Variants in IGDCC3 observed in about 807,000 individuals in gnomAD.
The protein encoded by IGDCC3 is immunoglobulin superfamily DCC subclass member 3.
In IGDCC3, 47 loss-of-function variants were observed where a neutral mutation model predicts 72.0. The observed-to-expected ratio is 0.65, with a 90% CI of 0.52 to 0.83. The LOEUF (loss-of-function observed/expected upper bound fraction) is 0.83, where lower values mean the gene tolerates loss of function less well. IGDCC3 is among the 40% of genes least tolerant of loss of function. IGDCC3 has a pLI of 0.00. For synonymous variants in IGDCC3, 477 were observed against 472.8 expected (o/e 1.01, Z -0.11); for missense variants, 1,038 against 1,091.3 (o/e 0.95, Z 0.69).
intron 2 of IGDCC3, among the ~76,000 whole-genome samples, chr15:65,367,625 C>T (rs1289543658): frequency 4.6e-5 from 7 of 152,122 alleles, no homozygotes; most frequent in East Asian, 1.9e-4. Flanking sequence ...AGGCCTCCCG[C>T]CACCCGCTGG....
intron 1 of IGDCC3, among the ~76,000 whole-genome samples, chr15:65,375,788 G>A (rs1427778359): frequency 6.6e-6 from 1 of 152,170 alleles, no homozygotes; most frequent in Non-Finnish European, 1.5e-5. Context: ...CCCTGGATAA[G>A]CACTGAAGCC....
At chr15:65,348,262 AC>A (rs2091143047) in intron 2 of IGDCC3, among the ~76,000 whole-genome samples, 1 of 152,166 alleles carries the variant, frequency 6.6e-6, no homozygotes, top group South Asian at 2.1e-4. Flanking sequence ...TTATTCCTTT[AC>A]TTTTTTAATA....
chr15:65,335,336 T>C lies in IGDCC3; in HGVS notation c.640A>G (p.Ile214Val), dbSNP rs1405323997. Residue 214 changes from isoleucine (I) to valine (V), a missense_variant, in exon 4 of 14, where the codon ATC becomes GTC. Physicochemically the swap from Ile to Val is conservative, Grantham distance 29. Coordinates refer to ENST00000327987, the MANE Select transcript of IGDCC3 (RefSeq NM_004884.4). ...CCGTGGCTGATCCGGATACTGGCGATGTTTGAGGCCACACAGTGGAAGATG... is the reference window on the plus strand; with the variant it reads ...CCGTGGCTGATCCGGATACTGGCGACGTTTGAGGCCACACAGTGGAAGATG... Reference protein sequence around the residue: ...GGIFHCVASNIASIRISHGAR... With the variant: ...GGIFHCVASNVASIRISHGAR... 16 of 1,613,634 alleles carry C rather than the reference T, an allele frequency of 9.9e-6. No individual in the cohort carries two copies. The highest frequency in any genetic ancestry group is 1.6e-4 in the Middle Eastern group (1 of 6,082).
intron 2 of IGDCC3, chr15:65,355,656 T>TTTCCCCC: frequency 9.4e-6 from 2 of 211,730 alleles, no homozygotes; most frequent in Admixed American, 6.3e-5. Context: ...GACGCGGGCG[T>TTTCCCCC]CCCGCCCCCC....
At chr15:65,356,899 C>T (rs1308718340) in intron 2 of IGDCC3, among the ~76,000 whole-genome samples, 2 of 125,824 alleles carry the variant, frequency 1.6e-5, no homozygotes, top group African/African-American at 6.5e-5. Flanking sequence ...TTCCAGGCTG[C>T]AGTGCAGTGG....
intron 2 of IGDCC3, among the ~76,000 whole-genome samples, chr15:65,350,119 ATTAT>A (rs575827747): frequency 6.6e-6 from 1 of 152,064 alleles, no homozygotes; most frequent in Non-Finnish European, 1.5e-5. Context: ...ATCTGAAAGG[ATTAT>A]TTATTTATTT....
intron 2 of IGDCC3, among the ~76,000 whole-genome samples, chr15:65,371,151 G>A (rs1479832784): frequency 6.6e-6 from 1 of 152,202 alleles, no homozygotes; most frequent in Admixed American, 6.5e-5. Context: ...AGACACCTGG[G>A]ACCTCATCCT....
At chr15:65,366,006 G>A (rs1300186409) in intron 2 of IGDCC3, among the ~76,000 whole-genome samples, 4 of 152,164 alleles carry the variant, frequency 2.6e-5, no homozygotes, top group Admixed American at 6.5e-5. Context: ...TCAGGAGTTC[G>A]AGACCAGCCT....
Position 65,329,670 on chromosome 15 carries a change from T to C in IGDCC3, c.1997+56A>G, listed in dbSNP as rs2090958433. 1 of 1,612,788 alleles carries C rather than the reference T, an allele frequency of 6.2e-7. No individual in the cohort carries two copies. Among genetic ancestry groups the C allele is most frequent in the Admixed American group, 1.7e-5 (1 of 59,986 alleles). On this transcript the variant is annotated intron_variant, in intron 12 of 13. Transcript: ENST00000327987. This position sits in a 1 kb window ranked among gnomAD's most constrained non-coding sequence, Gnocchi z 4.1. ...AGGCAGTGAGCCCACACTCACCTTC[T>C]CTAGGCCTAGTCCCCCACACACCAG... is the stretch of plus-strand genomic sequence containing the variant.
chr15:65,365,412 GC>G (rs2091284166), intron 2 of IGDCC3, among the ~76,000 whole-genome samples: 1 of 152,078 alleles, frequency 6.6e-6, no homozygotes, highest in African/African-American at 2.4e-5. Context: ...TCCAGTTCCT[GC>G]CCATTATCAC....
rs138975405 is a variant in IGDCC3 at position 65,367,391 on chromosome 15, G to T, written c.409+7706C>A. ...AGAAAAGAAAAAGGAATGGGGAGAG[G>T]GGGGAGGGATAGCTTTAGGAGATAT... is the stretch of plus-strand genomic sequence containing the variant. On this transcript the variant is annotated intron_variant, in intron 2 of 13. Transcript: ENST00000327987. 4.4e-3 allele frequency among the ~76,000 whole-genome samples: 664 copies of T among 150,650 alleles called. 7 individuals carry two copies. Among genetic ancestry groups the T allele is most frequent in the African/African-American group, 0.015 (630 of 41,222 alleles).
Position 65,328,988 on chromosome 15 carries a change from C to T in IGDCC3, c.2366G>A (p.Gly789Asp). ...LAAAPPPPDG[G>D]PGLLSEGQAS... The stretch of plus-strand genomic sequence containing the variant: ...CTGGCCTTCACTGAGGAGGCCAGGG[C>T]CTCCATCTGGGGGTGGTGGGGCAGC... Residue 789 changes from glycine to aspartate, a missense_variant, in exon 14 of 14, where the codon GGC becomes GAC. Physicochemically the swap from Gly to Asp is moderately conservative, Grantham distance 94. Transcript: ENST00000327987. 1.2e-6 allele frequency: 2 copies of T among 1,609,554 alleles called. No individual in the cohort carries two copies. Among genetic ancestry groups the T allele is most frequent in the African/African-American group, 1.3e-5 (1 of 74,882 alleles).
chr15:65,333,227 CCCT>C, intron 6 of IGDCC3, 27 bp downstream of exon 6: 1 of 1,566,470 alleles, frequency 6.4e-7, no homozygotes, highest in Non-Finnish European at 8.7e-7. Context: ...GAGATCCCTG[CCCT>C]CCTCCTCAGG....
At chr15:65,358,388 G>C (rs1449653196) in intron 2 of IGDCC3, among the ~76,000 whole-genome samples, 1 of 152,156 alleles carries the variant, frequency 6.6e-6, no homozygotes, top group African/African-American at 2.4e-5. Flanking sequence ...TTAGAGACAT[G>C]AGACACTGCA....
intron 2 of IGDCC3, among the ~76,000 whole-genome samples, chr15:65,361,068 T>G (rs921533059): frequency 6.6e-6 from 1 of 152,160 alleles, no homozygotes; most frequent in Non-Finnish European, 1.5e-5. Flanking sequence ...TGAGCCACAG[T>G]GCCTAGCCGA....
intron 2 of IGDCC3, among the ~76,000 whole-genome samples, chr15:65,370,515 A>ATAT (rs1567072868): frequency 4.2e-4 from 30 of 71,254 alleles, no homozygotes; most frequent in African/African-American, 1.1e-3. Context: ...TCAAAAAAAA[A>ATAT]ATATATATAT....
chr15:65,334,587 A>G (rs1411842951), intron 5 of IGDCC3, 141 bp downstream of exon 5: 2 of 776,746 alleles, frequency 2.6e-6, no homozygotes, highest in African/African-American at 1.8e-5. Context: ...CCCTCTTCCC[A>G]GGTCACAGGG....
chr15:65,340,997 G>A (rs776521851), intron 2 of IGDCC3, among the ~76,000 whole-genome samples: 4 of 152,238 alleles, frequency 2.6e-5, no homozygotes, highest in Non-Finnish European at 5.9e-5. Flanking sequence ...CCAAAGTGCC[G>A]GGATTACAGG....
chr15:65,353,647 A>G (rs974245199), intron 2 of IGDCC3, among the ~76,000 whole-genome samples: 2 of 152,208 alleles, frequency 1.3e-5, no homozygotes, highest in Admixed American at 1.3e-4. Context: ...AACAGGTTGC[A>G]GTAAAGGAGC....
Sources: gnomAD v4.1 joint callset for allele counts (sites outside exome capture counted in the v4.1 genomes callset) on GRCh38, gnomAD v4.1.1 for gene constraint, Gnocchi (gnomAD v3.1) non-coding constraint, MANE v1.5 for transcripts, NCBI Gene and HGNC (gene_info 2026-07-23, HGNC 2026-07-21) for gene names.